Variants in VPS29 observed in about 807,000 individuals in gnomAD.
VPS29 encodes VPS29 retromer complex component, also known as vacuolar protein sorting-associated protein 29.
A neutral mutation model predicts 20.0 loss-of-function variants in VPS29; 2 were observed. That is an observed-to-expected ratio of 0.10 (90% CI 0.04 to 0.31). The LOEUF is 0.31. Among genes scored for constraint, VPS29 ranks in the 10% least tolerant of loss-of-function variants. VPS29 has a pLI of 1.00. For missense variants in VPS29, 120 were observed against 215.3 expected, an observed-to-expected ratio of 0.56 and a Z score of 2.77; for synonymous variants, 81 against 79.3, an observed-to-expected ratio of 1.02 and a Z score of -0.12.
intron 2 of VPS29, among the ~76,000 whole-genome samples, chr12:110,494,805 C>T (rs560273596): frequency 3.5e-4 from 53 of 150,796 alleles, no homozygotes; most frequent in Middle Eastern, 3.5e-3. Flanking sequence ...CTGCTAGCTC[C>T]GCCTCCCAGG....
Position 110,493,106 on chromosome 12 carries a change from A to G in VPS29, c.321T>C (p.Asp107=), listed in dbSNP as rs777621408. ...TGTGTCCCGAGATAAGAATGTCCAC[A>G]TCAAATTGCCTCTGCAACAGGGCTA... ...ASLALLQRQF[D]VDILISGHTH... Residue 107 remains aspartate (D), a synonymous_variant, in exon 3 of 4, where the codon GAT becomes GAC. Coordinates refer to ENST00000549578, the MANE Select transcript of VPS29 (RefSeq NM_016226.5). The G allele has an allele frequency of 9.3e-6, 15 of 1,614,016 alleles. No homozygotes were observed. The highest frequency in any genetic ancestry group is 1.3e-5 in the African/African-American group (1 of 74,930).
At chr12:110,501,485 T>C in intron 1 of VPS29, 1 of 1,535,500 alleles carries the variant, frequency 6.5e-7, no homozygotes, top group Non-Finnish European at 8.7e-7. Context: ...TCCCGCCCTC[T>C]GAGAGCACAC....
intron 3 of VPS29, 140 bp downstream of exon 3, chr12:110,492,856 T>C (rs2062839942): frequency 2.7e-6 from 2 of 749,730 alleles, no homozygotes; most frequent in Non-Finnish European, 2.1e-6. Flanking sequence ...ACTCCTGGGC[T>C]CAAGCAACCT....
rs2062822678 is a variant in VPS29 at position 110,491,933 on chromosome 12, C to T, written c.*72G>A. The T allele has an allele frequency of 1.6e-5, 18 of 1,106,900 alleles. No homozygotes were observed. The highest frequency in any genetic ancestry group is 3.1e-5 in the African/African-American group (2 of 63,946). 68.6% of individuals were successfully genotyped at this position (1,106,900 alleles called of 1,614,324 possible). A position where few individuals can be genotyped will look rare whatever the true frequency, so the allele number is the denominator to read the frequency against. ...ATAAAAGTGATACAATTTTGTGGCT[C>T]TTAAATGTTTAATTACTTGATTTCA... On this transcript the variant is annotated 3_prime_UTR_variant, in exon 4 of 4. Coordinates refer to ENST00000549578, the MANE Select transcript of VPS29 (RefSeq NM_016226.5).
intron 1 of VPS29, 35 bp from the exon 2 acceptor site, chr12:110,496,238 T>C (rs772330363): frequency 4.6e-6 from 7 of 1,527,066 alleles, no homozygotes; most frequent in African/African-American, 1.4e-5. Flanking sequence ...AGCATAATGT[T>C]AAACACAATA....
At chr12:110,492,210 G>A in intron 3 of VPS29, 88 bp from the exon 4 acceptor site, 1 of 1,041,918 alleles carries the variant, frequency 9.6e-7, no homozygotes, top group Non-Finnish European at 1.4e-6. Context: ...TTTGGATTCA[G>A]AGAAATCTGT....
chr12:110,496,114 A>G lies in VPS29; in HGVS notation c.93T>C (p.Ile31=). Residue 31 remains isoleucine (I), a synonymous_variant, in exon 2 of 4, where the codon ATT becomes ATC. Transcript: ENST00000549578. ...GGTTTCCTGTGCAGAGAATGTGCTG[A>G]ATTTTTCCTGGCACCAGGAGTTTTT... ...KFKKLLVPGK[I]QHILCTGNLC... 5 of 1,614,080 alleles carry G rather than the reference A, an allele frequency of 3.1e-6. No individual in the cohort carries two copies. Among genetic ancestry groups the G allele is most frequent in the Non-Finnish European group, 4.2e-6 (5 of 1,179,962 alleles).
At chr12:110,492,591 T>C (rs2062833401) in intron 3 of VPS29, among the ~76,000 whole-genome samples, 1 of 143,236 alleles carries the variant, frequency 7.0e-6, no homozygotes, top group Middle Eastern at 3.6e-3. Flanking sequence ...AAGTCACATT[T>C]ATTTTTATTT....
intron 1 of VPS29, chr12:110,499,678 A>G: frequency 3.0e-6 from 2 of 666,688 alleles, no homozygotes; most frequent in Non-Finnish European, 5.2e-6. Context: ...ATACCAAATG[A>G]GCAAACAATT....
intron 1 of VPS29, among the ~76,000 whole-genome samples, chr12:110,501,188 A>G (rs567902710): frequency 6.6e-6 from 1 of 152,050 alleles, no homozygotes. Context: ...AAAAAGAAAG[A>G]AAGAAAATAT....
At chr12:110,495,481 C>T (rs1330491598) in intron 2 of VPS29, among the ~76,000 whole-genome samples, 2 of 151,912 alleles carry the variant, frequency 1.3e-5, no homozygotes, top group Admixed American at 6.6e-5. Flanking sequence ...GAGGCTGAGG[C>T]GGGAGGATCA....
intron 1 of VPS29, among the ~76,000 whole-genome samples, chr12:110,497,830 G>A (rs950054754): frequency 9.2e-5 from 14 of 151,830 alleles, no homozygotes; most frequent in African/African-American, 2.4e-4. Context: ...CTCAGGAGGC[G>A]GAGGTTGCAG....
chr12:110,499,999 T>C (rs1197488177), intron 1 of VPS29, among the ~76,000 whole-genome samples: 1 of 152,218 alleles, frequency 6.6e-6, no homozygotes, highest in Non-Finnish European at 1.5e-5. Flanking sequence ...GTTTAATTAT[T>C]CAAGTATATG....
intron 2 of VPS29, among the ~76,000 whole-genome samples, chr12:110,494,887 T>A (rs2062878361): frequency 6.6e-6 from 1 of 151,874 alleles, no homozygotes; most frequent in Admixed American, 6.6e-5. Context: ...ACCTGGCTAA[T>A]TTTTTTGTAT....
intron 1 of VPS29, chr12:110,498,769 T>C: frequency 1.1e-6 from 1 of 920,442 alleles, no homozygotes; most frequent in Non-Finnish European, 1.3e-6. Flanking sequence ...TCTGTAAAAC[T>C]AAAAACCACT....
intron 1 of VPS29, among the ~76,000 whole-genome samples, chr12:110,498,014 C>T (rs917774931): frequency 6.6e-6 from 1 of 150,804 alleles, no homozygotes; most frequent in African/African-American, 2.4e-5. Context: ...TCTCGTCGCC[C>T]AGGCTGGAGT....
intron 1 of VPS29, 142 bp downstream of exon 1, chr12:110,501,907 C>A (rs991631985): frequency 6.4e-7 from 1 of 1,565,478 alleles, no homozygotes; most frequent in South Asian, 1.1e-5. Context: ...CTCTTCTGGG[C>A]CTTTCCCAGG....
chr12:110,501,231 C>A lies in VPS29; in HGVS notation c.3+818G>T, dbSNP rs139317381. On this transcript the variant is annotated intron_variant, in intron 1 of 3. Coordinates refer to ENST00000549578, the MANE Select transcript of VPS29 (RefSeq NM_016226.5). ...GCTCTGAGTCCTCTCTAGTAGAGGC[C>A]CCCAGTTTTTATGTAGGAAGGTCTG... Among the ~76,000 whole-genome samples the A allele has an allele frequency of 6.8e-3, 1,041 of 152,018 alleles. 1 individual carries two copies. The highest frequency in any genetic ancestry group is 9.4e-3 in the Non-Finnish European group (636 of 67,976).
intron 1 of VPS29, chr12:110,501,603 T>A (rs1351861923): frequency 5.9e-6 from 9 of 1,534,848 alleles, no homozygotes; most frequent in Non-Finnish European, 7.0e-6. Flanking sequence ...GCTCGCTACT[T>A]CCTGTTCTGC....
Sources: gnomAD v4.1 joint callset for allele counts (sites outside exome capture counted in the v4.1 genomes callset) on GRCh38, gnomAD v4.1.1 for gene constraint, MANE v1.5 for transcripts, NCBI Gene and HGNC (gene_info 2026-07-23, HGNC 2026-07-21) for gene names.